The following NEGR1 variants were observed in gnomAD, a reference collection of about 807,000 sequenced individuals.
The protein encoded by NEGR1 is neuronal growth regulator 1.
In NEGR1, 10 loss-of-function variants were observed where a neutral mutation model predicts 40.9. That is an observed-to-expected ratio of 0.24 (90% confidence interval 0.15 to 0.42). The LOEUF (loss-of-function observed/expected upper bound fraction) is 0.42. Ranked by LOEUF, NEGR1 falls within the 10% of genes least tolerant of loss-of-function variation. The pLI is 1.00. For missense variants in NEGR1, 352 were observed against 438.9 expected (o/e 0.80, Z 1.77); for synonymous variants, 185 against 166.8 (o/e 1.11, Z -0.84).
At chr1:72,236,027 C>G (rs1419817121) in intron 1 of NEGR1, among the ~76,000 whole-genome samples, 1 of 151,952 alleles carries the variant, frequency 6.6e-6, no homozygotes, top group Non-Finnish European at 1.5e-5. Flanking sequence ...AGACATGGAA[C>G]CAACCCAAAT....
intron 1 of NEGR1, among the ~76,000 whole-genome samples, chr1:72,160,080 C>G (rs1651498069): frequency 6.6e-6 from 1 of 152,080 alleles, no homozygotes; most frequent in African/African-American, 2.4e-5. Context: ...TTTCTGCAAG[C>G]AATATCTCAC....
chr1:71,955,820 G>C (rs1045627281), intron 1 of NEGR1, among the ~76,000 whole-genome samples: 1 of 152,080 alleles, frequency 6.6e-6, no homozygotes. Flanking sequence ...CCGATAGCAC[G>C]AAATTAAGTT....
chr1:72,282,521 C>A lies in NEGR1; in HGVS notation c.-27G>T, dbSNP rs1003556277. 3 of 1,569,588 alleles carry A rather than the reference C, an allele frequency of 1.9e-6. No individual in the cohort carries two copies. The highest frequency in any genetic ancestry group is 2.6e-6 in the Non-Finnish European group (3 of 1,153,912). On this transcript the variant is annotated 5_prime_UTR_variant, in exon 1 of 7. Transcript: ENST00000357731. ...CCTGCTAGGGCTGCTCACTCTCCAG[C>A]AGCTTTCAGCTCGCACTCCCCCACC...
At chr1:71,973,216 T>C (rs996578356) in intron 1 of NEGR1, among the ~76,000 whole-genome samples, 4 of 150,874 alleles carry the variant, frequency 2.7e-5, no homozygotes, top group Non-Finnish European at 5.9e-5. Context: ...CTCTGGAAGC[T>C]GAGGCAGGAG....
chr1:71,547,110 C>T (rs1647924638), intron 6 of NEGR1, among the ~76,000 whole-genome samples: 2 of 151,690 alleles, frequency 1.3e-5, no homozygotes, highest in South Asian at 4.1e-4. Flanking sequence ...TTGTGTCCAC[C>T]AAATTCCTTT....
intron 1 of NEGR1, among the ~76,000 whole-genome samples, chr1:71,940,171 A>G (rs780238665): frequency 3.9e-5 from 6 of 152,180 alleles, no homozygotes; most frequent in Non-Finnish European, 7.3e-5. Flanking sequence ...GGACTTCAAA[A>G]TGGAACATTT....
At chr1:72,108,236 T>C (rs1009049418) in intron 1 of NEGR1, among the ~76,000 whole-genome samples, 7 of 151,808 alleles carry the variant, frequency 4.6e-5, no homozygotes, top group Middle Eastern at 6.8e-3. Flanking sequence ...GATTTTCTGA[T>C]TTTTACCACC....
At chr1:71,635,084 G>C (rs985148469) in intron 4 of NEGR1, among the ~76,000 whole-genome samples, 1 of 152,052 alleles carries the variant, frequency 6.6e-6, no homozygotes, top group Non-Finnish European at 1.5e-5. Context: ...CAGAAAAATG[G>C]ATGAAATCTG....
chr1:72,197,536 A>C (rs1653042747), intron 1 of NEGR1, among the ~76,000 whole-genome samples: 1 of 152,072 alleles, frequency 6.6e-6, no homozygotes, highest in Non-Finnish European at 1.5e-5. Context: ...GAGTTTTTAA[A>C]AGGCAATCAT....
At chr1:71,950,760 TG>T (rs1557451109) in intron 1 of NEGR1, among the ~76,000 whole-genome samples, 1 of 152,014 alleles carries the variant, frequency 6.6e-6, no homozygotes, top group Non-Finnish European at 1.5e-5. Flanking sequence ...CAATTGTCTT[TG>T]TAGTCAATAC....
At chr1:71,545,536 T>C (rs751017841) in intron 6 of NEGR1, among the ~76,000 whole-genome samples, 7 of 151,746 alleles carry the variant, frequency 4.6e-5, no homozygotes, top group Non-Finnish European at 8.8e-5. Flanking sequence ...ATGTCTATTG[T>C]GCTGTCTGAC....
intron 1 of NEGR1, among the ~76,000 whole-genome samples, chr1:72,089,511 A>G (rs963221627): frequency 6.6e-6 from 1 of 152,202 alleles, no homozygotes; most frequent in African/African-American, 2.4e-5. Context: ...TAACACCAAT[A>G]TTATATTTGA....
intron 2 of NEGR1, among the ~76,000 whole-genome samples, chr1:71,916,581 C>T (rs1383792329): frequency 6.6e-6 from 1 of 151,990 alleles, no homozygotes; most frequent in South Asian, 2.1e-4. Context: ...GGTAAAACAC[C>T]GTCTCTACTA....
chr1:71,475,217 G>A lies in NEGR1; in HGVS notation c.941-67647C>T, dbSNP rs145900264. Among the ~76,000 whole-genome samples the A allele has an allele frequency of 4.1e-4, 62 of 152,036 alleles. 1 individual carries two copies. The East Asian group carries it at 0.011, about 28-fold the overall frequency. The stretch of plus-strand genomic sequence containing the variant: ...ATGCATTTTACTATATTATTCATGG[G>A]CTTCTCTGAATAATTGAATAATATG... On this transcript the variant is annotated intron_variant, in intron 6 of 6. Coordinates refer to ENST00000357731, the MANE Select transcript of NEGR1 (RefSeq NM_173808.3).
intron 1 of NEGR1, among the ~76,000 whole-genome samples, chr1:72,090,124 G>T (rs2821257): frequency 0.9 from 137,411 of 151,940 alleles, 62,688 homozygotes; most frequent in Non-Finnish European, 0.97. Context: ...AAGATAGTTG[G>T]GTATTCATTT....
At chr1:71,750,150 C>T (rs12401826) in intron 3 of NEGR1, among the ~76,000 whole-genome samples, 3,639 of 152,062 alleles carry the variant, frequency 0.024, 293 homozygotes, top group Admixed American at 0.15. Flanking sequence ...CCCGCCACCG[C>T]GCCCGGCTAA....
intron 1 of NEGR1, among the ~76,000 whole-genome samples, chr1:72,025,927 C>G (rs1343758986): frequency 6.6e-6 from 1 of 150,982 alleles, no homozygotes; most frequent in Non-Finnish European, 1.5e-5. Flanking sequence ...CCGGCTAAAA[C>G]GGTGAAACCC....
At chr1:71,878,804 G>A (rs1048264572) in intron 2 of NEGR1, among the ~76,000 whole-genome samples, 3 of 152,090 alleles carry the variant, frequency 2.0e-5, no homozygotes. Flanking sequence ...GAAACATAGA[G>A]CTATATAATA....
chr1:72,060,329 G>A (rs901976474), intron 1 of NEGR1, among the ~76,000 whole-genome samples: 3 of 151,508 alleles, frequency 2.0e-5, no homozygotes, highest in African/African-American at 4.8e-5. Context: ...TTAACTAGCC[G>A]TACTATTGCT....
Sources: gnomAD v4.1 joint callset for allele counts (sites outside exome capture counted in the v4.1 genomes callset) on GRCh38, gnomAD v4.1.1 for gene constraint, MANE v1.5 for transcripts, NCBI Gene and HGNC (gene_info 2026-07-23, HGNC 2026-07-21) for gene names.